Variants in NEDD4L observed in about 807,000 individuals in gnomAD.
NEDD4L encodes E3 ubiquitin-protein ligase NEDD4-like.
A neutral mutation model predicts 148.9 loss-of-function variants in NEDD4L; 54 were observed. The observed-to-expected ratio is 0.36, with a 90% CI of 0.29 to 0.45. The LOEUF is 0.45. Among genes scored for constraint, NEDD4L ranks in the 20% least tolerant of loss-of-function variants. The probability of loss-of-function intolerance (pLI) is 1.00; values close to 1 mark genes in which losing one functional copy is unlikely to be tolerated. For missense variants in NEDD4L, 856 were observed against 1,233.8 expected, an observed-to-expected ratio of 0.69 and a Z score of 4.59; for synonymous variants, 433 against 440.7, an observed-to-expected ratio of 0.98 and a Z score of 0.22.
At chr18:58,112,462 A>G (rs974321826) in intron 1 of NEDD4L, among the ~76,000 whole-genome samples, 5 of 150,964 alleles carry the variant, frequency 3.3e-5, no homozygotes, top group African/African-American at 1.2e-4. Flanking sequence ...TTCAGTATGT[A>G]TATATATATA....
At chr18:58,096,933 A>G (rs974695467) in intron 1 of NEDD4L, among the ~76,000 whole-genome samples, 15 of 152,236 alleles carry the variant, frequency 9.9e-5, no homozygotes, top group Non-Finnish European at 1.9e-4. Flanking sequence ...GAAGAATGGC[A>G]GGTGGCAGTT....
rs1419416739 is a variant in NEDD4L at position 58,367,755 on chromosome 18, C to T, written c.2073C>T (p.Tyr691=). ...GLFEYSATDN[Y]TLQINPNSGL... The stretch of plus-strand genomic sequence containing the variant: ...TCTTTCTCCTCAAAAGGGACAACTA[C>T]ACCCTTCAGATCAACCCTAATTCAG... The change falls in exon 22 of 31, where the codon TAC becomes TAT. Residue 691 remains tyrosine (Y), a synonymous_variant. Transcript: ENST00000400345. 6 of 1,613,966 alleles carry T rather than the reference C, an allele frequency of 3.7e-6. No individual in the cohort carries two copies. In the Admixed American group the frequency reaches 6.7e-5, roughly 18 times the overall value.
intron 2 of NEDD4L, among the ~76,000 whole-genome samples, chr18:58,222,585 TA>T (rs1747475868): frequency 6.6e-6 from 1 of 152,224 alleles, no homozygotes; most frequent in South Asian, 2.1e-4. Flanking sequence ...TGGTGATTCA[TA>T]AACTGTTAGT....
chr18:58,203,531 T>C (rs1489775592), intron 2 of NEDD4L, among the ~76,000 whole-genome samples: 2 of 152,092 alleles, frequency 1.3e-5, no homozygotes, highest in African/African-American at 4.8e-5. Flanking sequence ...TAGGAAAGAG[T>C]TGAGCATAAC....
chr18:58,357,273 C>T, intron 19 of NEDD4L, 21 bp downstream of exon 19: 1 of 1,601,492 alleles, frequency 6.2e-7, no homozygotes, highest in Non-Finnish European at 8.6e-7. Context: ...TCAAATTCTG[C>T]CTCTTCAGTA....
intron 9 of NEDD4L, among the ~76,000 whole-genome samples, chr18:58,325,458 A>G (rs1446049399): frequency 6.6e-6 from 1 of 152,126 alleles, no homozygotes; most frequent in Non-Finnish European, 1.5e-5. Context: ...TTTTTCTTAG[A>G]CTTATTTTAC....
intron 5 of NEDD4L, among the ~76,000 whole-genome samples, chr18:58,261,041 T>C (rs1156400022): frequency 3.3e-5 from 5 of 152,230 alleles, no homozygotes; most frequent in Admixed American, 3.3e-4. Context: ...CCTAGCAGGT[T>C]AATTAGGTTA....
intron 1 of NEDD4L, among the ~76,000 whole-genome samples, chr18:58,077,915 A>C (rs935473211): frequency 1.3e-5 from 2 of 152,054 alleles, no homozygotes; most frequent in African/African-American, 4.8e-5. Flanking sequence ...GTGATGAGAG[A>C]TCAGGGATGC....
rs1216924460 is a variant in NEDD4L, at chr18:58,349,633, C to T, written c.1653+19C>T. The stretch of plus-strand genomic sequence containing the variant: ...CCTTCCTGTGAGTACACTGGAGACA[C>T]ATGGAATGGTCTGAATATGTGTGTT... On this transcript the variant is annotated intron_variant, in intron 17 of 30. Transcript: ENST00000400345. 1.3e-6 allele frequency: 2 copies of T among 1,578,140 alleles called. No individual in the cohort carries two copies. The highest frequency in any genetic ancestry group is 1.7e-6 in the Non-Finnish European group (2 of 1,147,274).
chr18:58,052,330 A>T (rs1208124277), intron 1 of NEDD4L, among the ~76,000 whole-genome samples: 1 of 152,176 alleles, frequency 6.6e-6, no homozygotes, highest in African/African-American at 2.4e-5. Flanking sequence ...ATAGAATCTC[A>T]CTATGATTGT....
At chr18:58,175,855 A>G (rs2038070368) in intron 2 of NEDD4L, among the ~76,000 whole-genome samples, 1 of 152,234 alleles carries the variant, frequency 6.6e-6, no homozygotes, top group East Asian at 1.9e-4. Flanking sequence ...ATATGAATGC[A>G]TGCAACGTCC....
chr18:58,278,224 A>G (rs781078466), intron 5 of NEDD4L, among the ~76,000 whole-genome samples: 8 of 152,210 alleles, frequency 5.3e-5, no homozygotes, highest in Non-Finnish European at 1.2e-4. Flanking sequence ...TTCGCAATCA[A>G]CAGTGTATGA....
intron 2 of NEDD4L, among the ~76,000 whole-genome samples, chr18:58,174,005 G>A (rs546080067): frequency 1.6e-4 from 25 of 152,328 alleles, no homozygotes; most frequent in Admixed American, 6.5e-4. Flanking sequence ...CCCCACCTGG[G>A]TCTCACTCTA....
chr18:58,323,520 T>TTC (rs552329762), intron 8 of NEDD4L, among the ~76,000 whole-genome samples, 186 bp downstream of exon 8: 32 of 152,358 alleles, frequency 2.1e-4, no homozygotes, highest in African/African-American at 7.5e-4. Context: ...GATGAACTTT[T>TTC]TATGTTACAA....
intron 2 of NEDD4L, among the ~76,000 whole-genome samples, chr18:58,217,187 G>C (rs948070006): frequency 6.6e-6 from 1 of 152,162 alleles, no homozygotes; most frequent in Non-Finnish European, 1.5e-5. Flanking sequence ...AAAAGCTAAC[G>C]CGAGTTAGGA....
intron 12 of NEDD4L, among the ~76,000 whole-genome samples, chr18:58,334,329 G>C (rs759404532): frequency 4.6e-5 from 7 of 152,146 alleles, no homozygotes; most frequent in Non-Finnish European, 7.3e-5. Flanking sequence ...ACTCTACAGA[G>C]CCTCTGTACC....
At chr18:58,190,288 T>C (rs1258848695) in intron 2 of NEDD4L, among the ~76,000 whole-genome samples, 1 of 152,178 alleles carries the variant, frequency 6.6e-6, no homozygotes, top group Non-Finnish European at 1.5e-5. Flanking sequence ...GTCATATACC[T>C]AAAGAATTAG....
intron 1 of NEDD4L, among the ~76,000 whole-genome samples, chr18:58,155,296 C>A (rs1599169891): frequency 2.2e-5 from 3 of 138,902 alleles, no homozygotes; most frequent in Admixed American, 7.3e-5. Flanking sequence ...GACAATTTGA[C>A]TTTGATAGTT....
chr18:58,395,861 G>T (rs1365337476), intron 30 of NEDD4L, among the ~76,000 whole-genome samples: 1 of 152,156 alleles, frequency 6.6e-6, no homozygotes, highest in African/African-American at 2.4e-5. Context: ...AAAAGCATCA[G>T]CTCTGTGTTC....
Sources: gnomAD v4.1 joint callset for allele counts (sites outside exome capture counted in the v4.1 genomes callset) on GRCh38, gnomAD v4.1.1 for gene constraint, MANE v1.5 for transcripts, NCBI Gene and HGNC (gene_info 2026-07-23, HGNC 2026-07-21) for gene names.